COL11A1: variants seen among roughly 807,000 people sequenced by gnomAD.
COL11A1 encodes the protein collagen alpha-1(XI) chain.
In COL11A1, 74 loss-of-function variants were observed where a neutral mutation model predicts 265.2. The observed-to-expected ratio is 0.28, with a 90% CI of 0.23 to 0.34. The LOEUF (loss-of-function observed/expected upper bound fraction) is 0.34. COL11A1 is among the 10% of genes least tolerant of loss of function. COL11A1 has a pLI of 1.00. For synonymous variants in COL11A1, 816 were observed against 727.6 expected, an observed-to-expected ratio of 1.12 and a Z score of -1.96; for missense variants, 2,165 against 2,263.6, an observed-to-expected ratio of 0.96 and a Z score of 0.88.
At chr1:102,914,491 G>A in intron 51 of COL11A1, 86 bp from the exon 52 acceptor site, 1 of 1,306,540 alleles carries the variant, frequency 7.7e-7, no homozygotes, top group African/African-American at 1.5e-5. Flanking sequence ...AGAGGTTAAA[G>A]TCATGACAAA....
chr1:102,945,247 A>ACTCCCTCTCTCT (rs56168825), intron 42 of COL11A1, among the ~76,000 whole-genome samples: 1 of 129,176 alleles, frequency 7.7e-6, no homozygotes, highest in African/African-American at 3.0e-5. Context: ...TTTTCTTTTT[A>ACTCCCTCTCTCT]CTCTCTCTCT....
intron 15 of COL11A1, among the ~76,000 whole-genome samples, chr1:103,006,526 ATTTTTTT>A (rs4013849): frequency 6.0e-5 from 5 of 82,860 alleles, no homozygotes; most frequent in Admixed American, 1.8e-4. Flanking sequence ...AAATGGCTCC[ATTTTTTT>A]TTTTTTTTTT....
chr1:102,913,570 T>G lies in COL11A1; in HGVS notation c.4032+67A>C, dbSNP rs921297710. 6 of 1,416,134 alleles carry G rather than the reference T, an allele frequency of 4.2e-6. No homozygotes were observed. In the African/African-American group the frequency reaches 7.1e-5, roughly 17 times the overall value. The allele number at this position is 1,416,134 out of a possible 1,614,324, so 87.7% of individuals were successfully genotyped here. A position where few individuals can be genotyped will look rare whatever the true frequency, so the allele number is the denominator to read the frequency against. ...ATGTTTTTCAAAGGCTGATTACTTC[T>G]AATTATCTCATTAAAATGCCTTGAG... is the stretch of plus-strand genomic sequence containing the variant. On this transcript the variant is annotated intron_variant, in intron 53 of 66. Coordinates refer to ENST00000370096, the MANE Select transcript of COL11A1 (RefSeq NM_001854.4).
In COL11A1 at chr1:102,974,819, C is replaced by T; in HGVS notation, c.2808+11G>A. On this transcript the variant is annotated intron_variant, in intron 36 of 66. Transcript: ENST00000370096. ...AAATGAAGAAAGAGAAAGAGAAGCT[C>T]TGACACTTACAGGAGGGCCTTTTGG... is the stretch of plus-strand genomic sequence containing the variant. The T allele has an allele frequency of 6.2e-7, 1 of 1,607,752 alleles. No homozygotes were observed. The highest frequency in any genetic ancestry group is 8.5e-7 in the Non-Finnish European group (1 of 1,174,440).
intron 41 of COL11A1, among the ~76,000 whole-genome samples, chr1:102,952,455 C>T (rs1442810646): frequency 6.6e-6 from 1 of 152,150 alleles, no homozygotes; most frequent in Non-Finnish European, 1.5e-5. Context: ...TCCCTTGGAG[C>T]ATTCATAAGA....
intron 1 of COL11A1, among the ~76,000 whole-genome samples, chr1:103,097,604 C>A (rs909166593): frequency 6.6e-6 from 1 of 151,980 alleles, no homozygotes; most frequent in East Asian, 1.9e-4. Context: ...CTCAAGTAGA[C>A]CATAATCACT....
At position 103,021,065 on chromosome 1, in the gene COL11A1, G is replaced by A. The variant is rs1176706295; in HGVS notation, c.1308+642C>T. 4.7e-5 allele frequency among the ~76,000 whole-genome samples: 7 copies of A among 147,444 alleles called. No individual in the cohort carries two copies. The South Asian group carries it at 8.5e-4, about 18-fold the overall frequency. Reference sequence around the variant, plus strand: ...CCTTACAATTTCTGAAATGATTTTCGTGTTGTTCTACCTTCAGTTCTAATA... The same window carrying A: ...CCTTACAATTTCTGAAATGATTTTCATGTTGTTCTACCTTCAGTTCTAATA... On this transcript the variant is annotated intron_variant, in intron 9 of 66. Coordinates refer to ENST00000370096, the MANE Select transcript of COL11A1 (RefSeq NM_001854.4).
intron 7 of COL11A1, 150 bp downstream of exon 7, chr1:103,025,371 G>A: frequency 1.5e-6 from 1 of 678,044 alleles, no homozygotes; most frequent in Non-Finnish European, 2.6e-6. Context: ...TAGTAATAGT[G>A]AACCATTGCT....
chr1:103,094,160 G>T (rs1300545341), intron 1 of COL11A1, among the ~76,000 whole-genome samples: 1 of 152,020 alleles, frequency 6.6e-6, no homozygotes, highest in African/African-American at 2.4e-5. Context: ...GGGGCAAAGG[G>T]TTTCAAGATA....
intron 17 of COL11A1, 79 bp downstream of exon 17, chr1:103,005,989 G>A: frequency 1.2e-6 from 2 of 1,611,320 alleles, no homozygotes; most frequent in South Asian, 2.2e-5. Context: ...CTCAGATTCA[G>A]AAAATGGATT....
At position 103,005,850 on chromosome 1, in the gene COL11A1, G is replaced by A. The variant is rs757133349; in HGVS notation, c.1833C>T (p.Asp611=). ...GFDGLPGLPG[D]KGHRGERGPQ... Reference sequence around the variant, plus strand: ...AGATGTATCTTACCCTGTGACCTTTGTCACCTGGCAGACCCGGAAGTCCAT... The same window carrying A: ...AGATGTATCTTACCCTGTGACCTTTATCACCTGGCAGACCCGGAAGTCCAT... The change falls in exon 18 of 67, where the codon GAC becomes GAT. Residue 611 remains aspartate (D), a synonymous_variant. Transcript: ENST00000370096. 2.5e-5 allele frequency: 40 copies of A among 1,613,956 alleles called. No individual in the cohort carries two copies. Among genetic ancestry groups the A allele is most frequent in the Non-Finnish European group, 3.1e-5 (37 of 1,180,004 alleles).
At chr1:103,083,102 C>T (rs1385817504) in intron 1 of COL11A1, 130 bp from the exon 2 acceptor site, 3 of 867,060 alleles carry the variant, frequency 3.5e-6, no homozygotes, top group Non-Finnish European at 3.5e-6. Flanking sequence ...GCTTCCCTAA[C>T]ATTTAGGTGG....
chr1:103,033,949 G>A (rs986367101), intron 4 of COL11A1, among the ~76,000 whole-genome samples: 1 of 152,034 alleles, frequency 6.6e-6, no homozygotes, highest in African/African-American at 2.4e-5. Context: ...CTTTGCATTT[G>A]AGAGTCAGTT....
In COL11A1 at chr1:102,886,987, C is replaced by T; in HGVS notation, c.4678G>A (p.Gly1560Ser). Reference sequence around the variant, plus strand: ...TTATCATCTGCATCTGCTTGCATGCCTTCAGTATGTCTTCTCGTTTTTTTG... The same window carrying T: ...TTATCATCTGCATCTGCTTGCATGCTTTCAGTATGTCTTCTCGTTTTTTTG... ...SSKKTRRHTE[G>S]MQADADDNIL... is the part of the protein sequence containing the mutation. Residue 1560 changes from glycine to serine, a missense_variant, in exon 63 of 67, where the codon GGC (glycine) becomes AGC (serine). By Grantham distance (56) the Gly-to-Ser change is moderately conservative. Transcript: ENST00000370096. The T allele has an allele frequency of 1.2e-6, 2 of 1,613,852 alleles. No individual in the cohort carries two copies. The highest frequency in any genetic ancestry group is 1.3e-5 in the African/African-American group (1 of 75,004).
chr1:103,023,358 G>A (rs1667253407), intron 7 of COL11A1, among the ~76,000 whole-genome samples: 1 of 148,120 alleles, frequency 6.8e-6, no homozygotes. Flanking sequence ...TTTGCTTAAT[G>A]TTTTTTTCTT....
intron 54 of COL11A1, among the ~76,000 whole-genome samples, chr1:102,906,703 G>A (rs1048050646): frequency 1.3e-5 from 2 of 150,406 alleles, no homozygotes; most frequent in Non-Finnish European, 3.0e-5. Flanking sequence ...CTTGACCTGT[G>A]TTTCCATTTT....
chr1:103,019,792 T>C (rs537254120), intron 9 of COL11A1, among the ~76,000 whole-genome samples: 52 of 141,736 alleles, frequency 3.7e-4, no homozygotes, highest in African/African-American at 1.3e-3. Flanking sequence ...CCTGTGTCCA[T>C]GTGATCTCAT....
At position 102,970,468 on chromosome 1, in the gene COL11A1, AAT is replaced by A. The variant is rs1482367630; in HGVS notation, c.2809-198_2809-197del. ...ATTCTGTAGCTATAGCTGAAACCAA[AAT>A]AAAATAGTTGAACTCTTTTCTGAAT... On this transcript the variant is annotated intron_variant, in intron 36 of 66. Coordinates refer to ENST00000370096, the MANE Select transcript of COL11A1 (RefSeq NM_001854.4). Among the ~76,000 whole-genome samples the A allele has an allele frequency of 6.6e-5, 10 of 152,206 alleles. No individual in the cohort carries two copies. The East Asian group carries it at 1.7e-3, about 26-fold the overall frequency.
chr1:103,015,842 A>T, intron 11 of COL11A1, 100 bp from the exon 12 acceptor site: 1 of 879,796 alleles, frequency 1.1e-6, no homozygotes. Context: ...TCTAATTTGC[A>T]TTTGCCCTTT....
Sources: allele counts gnomAD v4.1 joint callset (sites outside exome capture counted in the v4.1 genomes callset), GRCh38; gene constraint gnomAD v4.1.1; transcripts MANE v1.5; gene names NCBI Gene and HGNC (gene_info 2026-07-23, HGNC 2026-07-21).